Variants in NTM observed in about 807,000 individuals in gnomAD.
NTM encodes neurotrimin, also known as IgLON family member 2.
Under a neutral mutation model 42.1 loss-of-function variants are expected in NTM, and 13 were observed. The ratio of observed to expected loss-of-function variants is 0.31; its 90% CI spans 0.20 to 0.49. The LOEUF (loss-of-function observed/expected upper bound fraction) is 0.49. Ranked by LOEUF, NTM falls within the 20% of genes least tolerant of loss-of-function variation. The pLI, the probability that NTM is intolerant of heterozygous loss-of-function variation, is 0.99. For missense variants in NTM, 373 were observed against 452.8 expected (o/e 0.82, Z 1.60); for synonymous variants, 187 against 179.2 (o/e 1.04, Z -0.35).
Position 131,669,116 on chromosome 11 carries a change from G to C in NTM, c.83-242448G>C, listed in dbSNP as rs1471753568. The stretch of plus-strand genomic sequence containing the variant: ...TGTGCCCCGTAGGGTTGGTCATTCA[G>C]GGCTGTCCACTCTAGTCATCCAGAT... On this transcript the variant is annotated intron_variant, in intron 1 of 8. Transcript: ENST00000683400. Among the ~76,000 whole-genome samples the C allele has an allele frequency of 2.6e-5, 4 of 152,246 alleles. No individual in the cohort carries two copies. The East Asian group carries it at 5.8e-4, about 22-fold the overall frequency.
At chr11:131,850,167 T>G (rs116755420) in intron 1 of NTM, among the ~76,000 whole-genome samples, 5,035 of 152,176 alleles carry the variant, frequency 0.033, 275 homozygotes, top group African/African-American at 0.12. Context: ...ACAGGTAAAA[T>G]GCACCTTAAC....
chr11:131,708,512 A>G (rs1250546771), intron 1 of NTM, among the ~76,000 whole-genome samples: 1 of 152,184 alleles, frequency 6.6e-6, no homozygotes, highest in Admixed American at 6.5e-5. Context: ...CTGTGTTCCC[A>G]TTAATAGGAT....
At chr11:131,490,868 A>T (rs1468829634) in intron 1 of NTM, among the ~76,000 whole-genome samples, 2 of 152,212 alleles carry the variant, frequency 1.3e-5, no homozygotes, top group East Asian at 1.9e-4. Context: ...TTTGCATTTA[A>T]TCAAATGTAC....
chr11:132,249,199 G>A (rs141374931), intron 4 of NTM, among the ~76,000 whole-genome samples: 2 of 152,336 alleles, frequency 1.3e-5, no homozygotes, highest in African/African-American at 4.8e-5. Context: ...GCTTCATGAA[G>A]AATATGCCAT....
intron 1 of NTM, among the ~76,000 whole-genome samples, chr11:131,388,424 GT>G (rs374892633): frequency 0.032 from 3,560 of 110,206 alleles, 30 homozygotes; most frequent in Middle Eastern, 0.049. Context: ...TGGGTTTTGG[GT>G]TTTTTTTTTT....
intron 3 of NTM, among the ~76,000 whole-genome samples, chr11:132,155,576 G>A (rs2073011267): frequency 6.7e-6 from 1 of 148,738 alleles, no homozygotes; most frequent in South Asian, 2.1e-4. Context: ...TTCTGACCTG[G>A]TGCTCTTCCT....
chr11:131,606,111 G>T (rs1384400926), intron 1 of NTM, among the ~76,000 whole-genome samples: 1 of 152,056 alleles, frequency 6.6e-6, no homozygotes, highest in Admixed American at 6.6e-5. Context: ...TGGTGCCATC[G>T]CAGTTCACTG....
chr11:131,692,923 G>T (rs547550382), intron 1 of NTM, among the ~76,000 whole-genome samples: 1 of 152,326 alleles, frequency 6.6e-6, no homozygotes, highest in Admixed American at 6.5e-5. Flanking sequence ...CCAAGAAATC[G>T]CACGGCAGGT....
At chr11:132,147,988 A>T (rs554506945) in intron 3 of NTM, among the ~76,000 whole-genome samples, 7 of 152,296 alleles carry the variant, frequency 4.6e-5, no homozygotes, top group African/African-American at 1.7e-4. Context: ...AGGAGGACAC[A>T]TGAGAACAAG....
rs555566300 is a variant in NTM, at chr11:132,107,103, G to A, written c.168-39179G>A. 2.0e-5 allele frequency among the ~76,000 whole-genome samples: 3 copies of A among 152,122 alleles called. No individual in the cohort carries two copies. In the South Asian group the frequency reaches 6.2e-4, roughly 32 times the overall value. On this transcript the variant is annotated intron_variant, in intron 2 of 8. Transcript: ENST00000683400. ...CATTTATTAGCCAGGCACTGTATTA[G>A]CCCTTGTGGTTAGAATAGAGACCCG... is the stretch of plus-strand genomic sequence containing the variant.
At chr11:131,995,074 CT>C (rs1403884988) in intron 2 of NTM, among the ~76,000 whole-genome samples, 2 of 152,170 alleles carry the variant, frequency 1.3e-5, no homozygotes, top group African/African-American at 4.8e-5. Context: ...TTAGATCCCC[CT>C]GTCCTCTAGT....
chr11:131,751,762 C>G (rs561566400), intron 1 of NTM, among the ~76,000 whole-genome samples: 154 of 142,136 alleles, frequency 1.1e-3, no homozygotes, highest in Admixed American at 1.9e-3. Context: ...CCGTCCCCCC[C>G]TCACCCCCCC....
At chr11:132,162,469 TTGTG>T (rs747469665) in intron 3 of NTM, among the ~76,000 whole-genome samples, 12 of 133,568 alleles carry the variant, frequency 9.0e-5, no homozygotes, top group East Asian at 2.6e-4. Flanking sequence ...TTGTGTATGT[TTGTG>T]TGGGAAGTGT....
intron 1 of NTM, among the ~76,000 whole-genome samples, chr11:131,776,235 A>C (rs1481062010): frequency 6.6e-6 from 1 of 152,190 alleles, no homozygotes; most frequent in Non-Finnish European, 1.5e-5. Context: ...CTTATTTCAC[A>C]TTGTCCTCCA....
chr11:131,996,326 G>A (rs1894220), intron 2 of NTM, among the ~76,000 whole-genome samples: 38,522 of 151,936 alleles, frequency 0.25, 5,292 homozygotes, highest in African/African-American at 0.35. Flanking sequence ...CCAGCACAGC[G>A]CCTGACACAC....
chr11:132,210,776 C>T (rs78227474), intron 3 of NTM, among the ~76,000 whole-genome samples: 4,524 of 152,266 alleles, frequency 0.03, 238 homozygotes, highest in African/African-American at 0.1. Flanking sequence ...CAGGCCCTAT[C>T]CAGTCCTTGT....
intron 1 of NTM, among the ~76,000 whole-genome samples, chr11:131,825,153 A>G (rs1414086792): frequency 6.6e-6 from 1 of 152,114 alleles, no homozygotes; most frequent in Admixed American, 6.5e-5. Flanking sequence ...TTCCCTGGTT[A>G]TAGATGCTTC....
chr11:131,971,891 A>T (rs1025251950), intron 2 of NTM, among the ~76,000 whole-genome samples: 6 of 151,458 alleles, frequency 4.0e-5, no homozygotes, highest in Non-Finnish European at 8.8e-5. Flanking sequence ...AAAAATACAA[A>T]AAAAATTAGC....
At chr11:131,463,390 G>A (rs1354069661) in intron 1 of NTM, among the ~76,000 whole-genome samples, 2 of 152,216 alleles carry the variant, frequency 1.3e-5, no homozygotes, top group African/African-American at 2.4e-5. Flanking sequence ...CCCAGTGCGT[G>A]ACCTGGGCAC....
Sources: allele counts gnomAD v4.1 joint callset (sites outside exome capture counted in the v4.1 genomes callset), GRCh38; gene constraint gnomAD v4.1.1; transcripts MANE v1.5; gene names NCBI Gene and HGNC (gene_info 2026-07-23, HGNC 2026-07-21).